Variants in MED13L observed in about 807,000 individuals in gnomAD.
MED13L encodes mediator of RNA polymerase II transcription subunit 13-like.
MED13L carries 7 observed loss-of-function variants against 220.9 expected under a neutral mutation model. The observed-to-expected ratio is 0.03, with a 90% CI of 0.02 to 0.06. The LOEUF is 0.06. Among genes scored for constraint, MED13L ranks in the 10% least tolerant of loss-of-function variants. The pLI, the probability that MED13L is intolerant of heterozygous loss-of-function variation, is 1.00. For missense variants in MED13L, 1,965 were observed against 2,760.5 expected (o/e 0.71, Z 6.46); for synonymous variants, 1,011 against 1,015.2 (o/e 1.00, Z 0.08).
intron 1 of MED13L, chr12:116,276,676 G>A: frequency 8.4e-7 from 1 of 1,189,770 alleles, no homozygotes; most frequent in Non-Finnish European, 1.1e-6. Flanking sequence ...CCGATCGGAG[G>A]CGCGGCAGCA....
chr12:115,972,446 C>T, intron 25 of MED13L: 1 of 589,412 alleles, frequency 1.7e-6, no homozygotes, highest in Non-Finnish European at 3.0e-6. Context: ...GCCTACTATT[C>T]TGTGGCTGAA....
intron 1 of MED13L, among the ~76,000 whole-genome samples, chr12:116,245,920 G>C (rs561861386): frequency 6.6e-6 from 1 of 152,148 alleles, no homozygotes; most frequent in Non-Finnish European, 1.5e-5. Flanking sequence ...AGAGCTCTCT[G>C]AGTGCTCAGA....
At chr12:116,055,459 C>G (rs1030486832) in intron 4 of MED13L, among the ~76,000 whole-genome samples, 1 of 152,218 alleles carries the variant, frequency 6.6e-6, no homozygotes, top group African/African-American at 2.4e-5. Flanking sequence ...GGAGTCAAAG[C>G]ACATTCACAA....
At chr12:116,166,292 A>T (rs769263259) in intron 2 of MED13L, among the ~76,000 whole-genome samples, 7 of 152,154 alleles carry the variant, frequency 4.6e-5, no homozygotes, top group Non-Finnish European at 1.0e-4. Context: ...AGAGATTAAC[A>T]TTTGAGTCAG....
At chr12:116,232,070 T>C (rs1869610891) in intron 2 of MED13L, 1 of 985,020 alleles carries the variant, frequency 1.0e-6, no homozygotes, top group Non-Finnish European at 1.2e-6. Flanking sequence ...CCGTGGTCAC[T>C]GTCAGAAAAC....
chr12:116,012,969 A>C (rs1343876296), intron 8 of MED13L, 68 bp from the exon 9 acceptor site: 2 of 1,143,670 alleles, frequency 1.7e-6, no homozygotes, highest in Admixed American at 3.5e-5. Flanking sequence ...AAAAATGTTC[A>C]AGAGTTGAAT....
chr12:116,002,210 G>A (rs1458552440), intron 14 of MED13L, among the ~76,000 whole-genome samples: 1 of 152,134 alleles, frequency 6.6e-6, no homozygotes, highest in Non-Finnish European at 1.5e-5. Context: ...AAAAGCTATG[G>A]ATCCACTAAA....
intron 3 of MED13L, among the ~76,000 whole-genome samples, chr12:116,107,786 G>A (rs2137879395): frequency 6.6e-6 from 1 of 152,322 alleles, no homozygotes; most frequent in Admixed American, 6.5e-5. Flanking sequence ...AGTCCTTGAT[G>A]ATCTGTTTTA....
At chr12:116,172,239 C>T (rs1408439044) in intron 2 of MED13L, among the ~76,000 whole-genome samples, 1 of 152,068 alleles carries the variant, frequency 6.6e-6, no homozygotes, top group Non-Finnish European at 1.5e-5. Context: ...TAAAAAAGAA[C>T]CCAAGAGTTC....
At chr12:116,007,958 T>C in intron 10 of MED13L, 2 of 358,352 alleles carry the variant, frequency 5.6e-6, no homozygotes, top group South Asian at 3.5e-5. Flanking sequence ...GAAGATTAAA[T>C]GAGATCATCT....
intron 2 of MED13L, among the ~76,000 whole-genome samples, chr12:116,188,050 T>C (rs1243843437): frequency 2.6e-5 from 4 of 152,118 alleles, no homozygotes; most frequent in Non-Finnish European, 4.4e-5. Context: ...ATTTGTGGTT[T>C]TTCAGGACTA....
intron 7 of MED13L, among the ~76,000 whole-genome samples, chr12:116,016,385 A>T (rs889248968): frequency 1.3e-5 from 2 of 152,192 alleles, no homozygotes; most frequent in Non-Finnish European, 2.9e-5. Context: ...TACAAATGAG[A>T]TAAGAAATTT....
chr12:116,238,955 C>T (rs1193343410), intron 1 of MED13L, among the ~76,000 whole-genome samples: 4 of 151,966 alleles, frequency 2.6e-5, no homozygotes, highest in Admixed American at 1.3e-4. Flanking sequence ...ATTAGCCGGG[C>T]GTGGTGGCGT....
intron 4 of MED13L, among the ~76,000 whole-genome samples, chr12:116,065,897 C>A (rs955116507): frequency 3.3e-5 from 5 of 152,206 alleles, no homozygotes; most frequent in African/African-American, 1.2e-4. Context: ...TACTGCAGCA[C>A]TGGACAAATG....
At chr12:116,276,845 CAA>C in intron 1 of MED13L, 1 of 1,056,098 alleles carries the variant, frequency 9.5e-7, no homozygotes, top group Non-Finnish European at 1.3e-6. Flanking sequence ...GCCGCGCTCA[CAA>C]ATGATTTTTA....
intron 2 of MED13L, chr12:116,236,878 G>T: frequency 1.0e-6 from 1 of 985,096 alleles, no homozygotes; most frequent in Non-Finnish European, 1.2e-6. Flanking sequence ...GGCAACACCG[G>T]AGCCAATGTT....
At chr12:115,982,730 A>T in intron 21 of MED13L, 127 bp from the exon 22 acceptor site, 1 of 915,644 alleles carries the variant, frequency 1.1e-6, no homozygotes, top group Non-Finnish European at 1.7e-6. Context: ...AGGTAAGAGT[A>T]ACATTTATCA....
At chr12:116,269,421 C>T (rs1259529016) in intron 1 of MED13L, among the ~76,000 whole-genome samples, 1 of 150,664 alleles carries the variant, frequency 6.6e-6, no homozygotes, top group African/African-American at 2.4e-5. Context: ...TCCTCCCCGC[C>T]CCCCCAATCT....
chr12:116,214,193 T>C (rs1215711697), intron 2 of MED13L, among the ~76,000 whole-genome samples: 1 of 152,240 alleles, frequency 6.6e-6, no homozygotes, highest in African/African-American at 2.4e-5. Flanking sequence ...ATAAATCCAC[T>C]GGACACAAAG....
Sources: allele counts gnomAD v4.1 joint callset (sites outside exome capture counted in the v4.1 genomes callset), GRCh38; gene constraint gnomAD v4.1.1; transcripts MANE v1.5; gene names NCBI Gene and HGNC (gene_info 2026-07-23, HGNC 2026-07-21).